The following GRK6 variants were observed in gnomAD, a reference collection of about 807,000 sequenced individuals.
GRK6 encodes the protein G protein-coupled receptor kinase 6.
Under a neutral mutation model 80.8 loss-of-function variants are expected in GRK6, and 37 were observed. The ratio of observed to expected loss-of-function variants is 0.46; its 90% CI spans 0.35 to 0.60. The LOEUF is 0.60. Ranked by LOEUF, GRK6 falls within the 20% of genes least tolerant of loss-of-function variation. The probability of loss-of-function intolerance (pLI) is 0.00; values close to 1 mark genes in which losing one functional copy is unlikely to be tolerated. For synonymous variants in GRK6, 295 were observed against 320.9 expected (o/e 0.92, Z 0.86); for missense variants, 560 against 784.6 (o/e 0.71, Z 3.42).
At chr5:177,439,344 G>T (rs1764336682) in intron 13 of GRK6, among the ~76,000 whole-genome samples, 1 of 152,090 alleles carries the variant, frequency 6.6e-6, no homozygotes, top group Non-Finnish European at 1.5e-5. Flanking sequence ...TTCAAGACCA[G>T]CCTGGCCAAC....
chr5:177,436,570 A>C, intron 13 of GRK6, 40 bp downstream of exon 13: 1 of 1,521,870 alleles, frequency 6.6e-7, no homozygotes, highest in Non-Finnish European at 8.8e-7. Context: ...GGGCCCAGCC[A>C]GGGCTGGGGC....
Position 177,433,178 on chromosome 5 carries a change from T to C in GRK6, c.472T>C (p.Phe158Leu). ...CCACGAGTACCTGAGCGTGGCCCCT[T>C]TTGCCGACTACCTCGACAGCATCTA... ...LTHEYLSVAP[F>L]ADYLDSIYFN... Residue 158 changes from phenylalanine to leucine, a missense_variant, in exon 6 of 16, where the codon TTT becomes CTT. This residue lies in a region of GRK6 where 189 missense variants were observed against 230.2 expected (regional missense o/e 0.82). Transcript: ENST00000355472. 1 of 1,614,128 alleles carries C rather than the reference T, an allele frequency of 6.2e-7. No homozygotes were observed. Among genetic ancestry groups the C allele is most frequent in the South Asian group, 1.1e-5 (1 of 91,088 alleles).
chr5:177,441,093 C>G (rs1451763032), intron 15 of GRK6, 40 bp downstream of exon 15: 1 of 1,605,852 alleles, frequency 6.2e-7, no homozygotes, highest in East Asian at 2.2e-5. Flanking sequence ...CCTAACCTGG[C>G]TCCAGGGGAC....
chr5:177,441,188 T>C (rs1764477725), intron 15 of GRK6, 135 bp downstream of exon 15: 1 of 1,470,788 alleles, frequency 6.8e-7, no homozygotes, highest in Admixed American at 1.9e-5. Flanking sequence ...GTCTCTGGCC[T>C]CATTCCCGCC....
Position 177,442,275 on chromosome 5 carries a change from T to C in GRK6, c.*485T>C. On this transcript the variant is annotated 3_prime_UTR_variant, in exon 16 of 16. Transcript: ENST00000355472. ...CCGGCCTCTGAGTAAGACTCGTGCC[T>C]CCCCCTGCTGCCCTGGGCTCAGGCT... 1.8e-5 allele frequency: 3 copies of C among 166,434 alleles called. No individual in the cohort carries two copies. The highest frequency in any genetic ancestry group is 2.6e-5 in the Non-Finnish European group (2 of 76,752). 10.3% of individuals were successfully genotyped at this position (166,434 alleles called of 1,614,324 possible).
chr5:177,430,941 A>T lies in GRK6; in HGVS notation c.122A>T (p.Gln41Leu), dbSNP rs764426194. 6.2e-7 allele frequency: 1 copy of T among 1,613,890 alleles called. No homozygotes were observed. ...ATGCTCCAGTTCCCTCACATCAGCCAGTGCGAAGAGCTGCGGCTCAGCCTC... is the reference window on the plus strand; with the variant it reads ...ATGCTCCAGTTCCCTCACATCAGCCTGTGCGAAGAGCTGCGGCTCAGCCTC... ...RQMLQFPHIS[Q>L]CEELRLSLER... is the part of the protein sequence containing the mutation. Residue 41 changes from glutamine (Q) to leucine (L), a missense_variant, in exon 2 of 16, where the codon CAG (glutamine) becomes CTG (leucine). Physicochemically the swap from Gln to Leu is moderately radical, Grantham distance 113. This residue lies in a region of GRK6 where 189 missense variants were observed against 230.2 expected (regional missense o/e 0.82). Coordinates refer to ENST00000355472, the MANE Select transcript of GRK6 (RefSeq NM_001004106.3).
rs1039282269 is a variant in GRK6 at position 177,429,877 on chromosome 5, T to C, written c.53-995T>C. On this transcript the variant is annotated intron_variant, in intron 1 of 15. Coordinates refer to ENST00000355472, the MANE Select transcript of GRK6 (RefSeq NM_001004106.3). This position sits in a 1 kb window ranked among gnomAD's most constrained non-coding sequence, Gnocchi z 4.3. ...ACATGGAGAAGCTGAGGTTCACAGATAGCGAGTGATGGGCCACAGTGTGAA... is the reference window on the plus strand; with the variant it reads ...ACATGGAGAAGCTGAGGTTCACAGACAGCGAGTGATGGGCCACAGTGTGAA... Among the ~76,000 whole-genome samples, 1 of 152,170 alleles carries C rather than the reference T, an allele frequency of 6.6e-6. No homozygotes were observed. The highest frequency in any genetic ancestry group is 2.4e-5 in the African/African-American group (1 of 41,446).
At chr5:177,435,413 A>C (rs988657415) in intron 11 of GRK6, among the ~76,000 whole-genome samples, 7 of 152,248 alleles carry the variant, frequency 4.6e-5, no homozygotes, top group African/African-American at 1.7e-4. Flanking sequence ...CCGTGGCCCC[A>C]GTCCCTGCCC....
At chr5:177,433,770 A>G (rs2127374618) in intron 8 of GRK6, 94 bp downstream of exon 8, 1 of 1,548,978 alleles carries the variant, frequency 6.5e-7, no homozygotes. Context: ...GTGGGATGCC[A>G]GGAAGGGCGG....
intron 13 of GRK6, 143 bp from the exon 14 acceptor site, chr5:177,440,557 C>T (rs1303224682): frequency 2.4e-5 from 22 of 928,278 alleles, no homozygotes; most frequent in South Asian, 1.6e-4. Flanking sequence ...TTAGGAAGTG[C>T]GTGGGGCACC....
chr5:177,441,690 C>T (rs751223962), intron 15 of GRK6, 47 bp from the exon 16 acceptor site: 1 of 1,487,852 alleles, frequency 6.7e-7, no homozygotes, highest in East Asian at 2.3e-5. Flanking sequence ...GTTAATGGCA[C>T]CTGCTCTGCC....
In GRK6 at chr5:177,432,274, T is replaced by C; in HGVS notation, c.303T>C (p.Cys101=). 1.9e-6 allele frequency: 3 copies of C among 1,613,236 alleles called. No individual in the cohort carries two copies. Among genetic ancestry groups the C allele is most frequent in the Non-Finnish European group, 2.5e-6 (3 of 1,179,990 alleles). ...CCCCGGATGACAAGCGGAAGGCATG[T>C]GGGCGGCAGCTAACGCAGAATTTTC... ...EVTPDDKRKA[C]GRQLTQNFLS... is the part of the protein sequence containing the mutation. The change falls in exon 4 of 16, where the codon TGT becomes TGC. Residue 101 remains cysteine (C), a synonymous_variant. Transcript: ENST00000355472.
In GRK6 at chr5:177,428,749, T is replaced by C. The variant is rs972643512; in HGVS notation, c.52+1852T>C. Among the ~76,000 whole-genome samples, 2 of 152,174 alleles carry C rather than the reference T, an allele frequency of 1.3e-5. No homozygotes were observed. The highest frequency in any genetic ancestry group is 4.8e-5 in the African/African-American group (2 of 41,442). ...CATGACTTTAAACATGTCTCTTCTT[T>C]CTCAACTTCAGTACCCCTTTTTGTG... On this transcript the variant is annotated intron_variant, in intron 1 of 15. Transcript: ENST00000355472. This position sits in a 1 kb window ranked among gnomAD's most constrained non-coding sequence, Gnocchi z 4.1.
upstream of GRK6, chr5:177,426,495 T>TG (rs1262622491): frequency 6.6e-6 from 1 of 151,772 alleles, no homozygotes; most frequent in African/African-American, 2.4e-5. Flanking sequence ...AGAGGTGACG[T>TG]GATTGGTCCC....
chr5:177,430,943 T>G lies in GRK6; in HGVS notation c.124T>G (p.Cys42Gly). 1 of 1,613,704 alleles carries G rather than the reference T, an allele frequency of 6.2e-7. No homozygotes were observed. Residue 42 changes from cysteine to glycine, a missense_variant, in exon 2 of 16, where the codon TGC becomes GGC. Physicochemically the swap from Cys to Gly is radical, Grantham distance 159. This residue lies in a region of GRK6 where 189 missense variants were observed against 230.2 expected (regional missense o/e 0.82). Transcript: ENST00000355472. Reference sequence around the variant, plus strand: ...GCTCCAGTTCCCTCACATCAGCCAGTGCGAAGAGCTGCGGCTCAGCCTCGG... The same window carrying G: ...GCTCCAGTTCCCTCACATCAGCCAGGGCGAAGAGCTGCGGCTCAGCCTCGG... ...QMLQFPHISQ[C>G]EELRLSLERD...
chr5:177,438,097 G>C (rs924963678), intron 13 of GRK6, among the ~76,000 whole-genome samples: 9 of 152,268 alleles, frequency 5.9e-5, no homozygotes, highest in African/African-American at 2.2e-4. Flanking sequence ...GGCTGGGTGC[G>C]GTGGCTCACG....
Position 177,441,739 on chromosome 5 carries a change from T to C in GRK6, c.1680T>C (p.Asp560=), listed in dbSNP as rs1764516925. 1.2e-6 allele frequency: 2 copies of C among 1,611,854 alleles called. No individual in the cohort carries two copies. The highest frequency in any genetic ancestry group is 1.1e-5 in the South Asian group (1 of 91,064). Residue 560 remains aspartate (D), a splice_region_variant and synonymous_variant, in exon 16 of 16, where the codon GAT becomes GAC. Transcript: ENST00000355472. ...GLLQRLFSRQ[D]CCGNCSDSEE... Reference sequence around the variant, plus strand: ...CCGTGTCTTCCCCGTCCCTCCAGGATTGCTGTGGAAACTGCAGCGACAGCG... The same window carrying C: ...CCGTGTCTTCCCCGTCCCTCCAGGACTGCTGTGGAAACTGCAGCGACAGCG...
intron 15 of GRK6, chr5:177,441,355 C>A: frequency 7.2e-7 from 1 of 1,395,932 alleles, no homozygotes; most frequent in Non-Finnish European, 9.8e-7. Context: ...GTCTGGTGCC[C>A]GCCCCACTCC....
intron 13 of GRK6, 142 bp from the exon 14 acceptor site, chr5:177,440,558 G>T: frequency 1.0e-6 from 1 of 961,148 alleles, no homozygotes; most frequent in Non-Finnish European, 1.6e-6. Context: ...TAGGAAGTGC[G>T]TGGGGCACCT....
Sources: allele counts gnomAD v4.1 joint callset (sites outside exome capture counted in the v4.1 genomes callset), GRCh38; gene constraint gnomAD v4.1.1; regional missense constraint gnomAD v4.1.1; non-coding constraint Gnocchi (gnomAD v3.1); transcripts MANE v1.5; gene names NCBI Gene and HGNC (gene_info 2026-07-23, HGNC 2026-07-21).